Variants in CSRNP2 observed in about 807,000 individuals in gnomAD.
The protein encoded by CSRNP2 is cysteine/serine-rich nuclear protein 2.
In CSRNP2, 11 loss-of-function variants were observed where a neutral mutation model predicts 36.6. That is an observed-to-expected ratio of 0.30 (90% CI 0.19 to 0.50). The LOEUF (loss-of-function observed/expected upper bound fraction) is 0.50. Ranked by LOEUF, CSRNP2 falls within the 20% of genes least tolerant of loss-of-function variation. The pLI is 0.98. For missense variants in CSRNP2, 483 were observed against 691.4 expected (o/e 0.70, Z 3.38); for synonymous variants, 248 against 275.3 (o/e 0.90, Z 0.98).
At chr12:51,080,101 A>AGG (rs1555248855) in intron 1 of CSRNP2, among the ~76,000 whole-genome samples, 1 of 135,228 alleles carries the variant, frequency 7.4e-6, no homozygotes, top group African/African-American at 2.7e-5. Flanking sequence ...AAAAAAAAAG[A>AGG]GGGAGGGAGG....
chr12:51,069,507 G>A (rs1429182278), intron 3 of CSRNP2, among the ~76,000 whole-genome samples: 4 of 149,212 alleles, frequency 2.7e-5, no homozygotes, highest in Non-Finnish European at 5.9e-5. Context: ...GGCTGGTCTC[G>A]AACTCCCGAC....
At position 51,074,050 on chromosome 12, in the gene CSRNP2, G is replaced by A. The variant is rs372606177; in HGVS notation, c.184C>T (p.Arg62Trp). The change falls in exon 3 of 5, where the codon CGG becomes TGG. Residue 62 changes from arginine (R) to tryptophan (W), a missense_variant. Coordinates refer to ENST00000228515, the MANE Select transcript of CSRNP2 (RefSeq NM_030809.3). ...TGGTCAAAGCGTACATTCTTCCTCCGCAGCTGCTTCTGCCGCTTCAGGATG... is the reference window on the plus strand; with the variant it reads ...TGGTCAAAGCGTACATTCTTCCTCCACAGCTGCTTCTGCCGCTTCAGGATG... ...TSILKRQKQLRRKNVRFDQVT... is the reference protein window; with the variant it reads ...TSILKRQKQLWRKNVRFDQVT... 9.3e-6 allele frequency: 15 copies of A among 1,614,040 alleles called. No individual in the cohort carries two copies. Among genetic ancestry groups the A allele is most frequent in the Middle Eastern group, 1.6e-4 (1 of 6,084 alleles).
At chr12:51,069,242 T>C (rs377702264) in intron 3 of CSRNP2, among the ~76,000 whole-genome samples, 344 of 151,796 alleles carry the variant, frequency 2.3e-3, no homozygotes, top group African/African-American at 7.8e-3. Flanking sequence ...CCCAAAGTGA[T>C]GGGATTACAG....
rs10082750 is a variant in CSRNP2 at position 51,067,448 on chromosome 12, C to A, written c.708+225G>T. ...CCTTGACCTCCTGGACTCAAGAGAT[C>A]CTCCTACCTCAGCCTCCCACATAGC... On this transcript the variant is annotated intron_variant, in intron 4 of 4. Coordinates refer to ENST00000228515, the MANE Select transcript of CSRNP2 (RefSeq NM_030809.3). The surrounding 1 kb of genome is among the most constrained non-coding windows in gnomAD (Gnocchi z 4.1). Among the ~76,000 whole-genome samples, 5,871 of 152,194 alleles carry A rather than the reference C, an allele frequency of 0.039. 386 individuals carry two copies. Among genetic ancestry groups the A allele is most frequent in the African/African-American group, 0.13 (5,526 of 41,494 alleles).
chr12:51,082,628 C>G (rs1939687054), intron 1 of CSRNP2: 1 of 152,162 alleles, frequency 6.6e-6, no homozygotes, highest in Non-Finnish European at 1.5e-5. Context: ...CTCTCAACCC[C>G]TTTAAAAGGA....
At chr12:51,072,019 G>A (rs1191760590) in intron 3 of CSRNP2, among the ~76,000 whole-genome samples, 3 of 152,182 alleles carry the variant, frequency 2.0e-5, no homozygotes, top group African/African-American at 7.2e-5. Context: ...AGAAAGGAAT[G>A]AGATGCTCTG....
At chr12:51,069,854 C>G (rs970480515) in intron 3 of CSRNP2, among the ~76,000 whole-genome samples, 22 of 151,524 alleles carry the variant, frequency 1.5e-4, no homozygotes. Context: ...CACCACGCCT[C>G]GCTAATTTTT....
chr12:51,070,027 G>A (rs1462897063), intron 3 of CSRNP2, among the ~76,000 whole-genome samples: 2 of 151,924 alleles, frequency 1.3e-5, no homozygotes, highest in Non-Finnish European at 2.9e-5. Context: ...TGGATAGAGA[G>A]CCAAGAAAGG....
In CSRNP2 at chr12:51,073,830, T is replaced by A; in HGVS notation, c.404A>T (p.Lys135Ile). 6.2e-7 allele frequency: 1 copy of A among 1,613,702 alleles called. No individual in the cohort carries two copies. Among genetic ancestry groups the A allele is most frequent in the Non-Finnish European group, 8.5e-7 (1 of 1,179,884 alleles). ...CCCAGAACACTTAGGCACCTTCATT[T>A]TCTTGGCATGGAGTTTCTCTTCCTT... Reference protein sequence around the residue: ...HLKEEKLHAKKMKLTKNGTVE... With the variant: ...HLKEEKLHAKIMKLTKNGTVE... Residue 135 changes from lysine to isoleucine, a missense_variant, in exon 3 of 5, where the codon AAA becomes ATA. Around this residue, in one of 2 missense-constraint regions of CSRNP2, gnomAD observed 206 missense variants for 367.8 expected, o/e 0.56. Transcript: ENST00000228515.
chr12:51,078,920 C>A (rs1939504527), intron 1 of CSRNP2, among the ~76,000 whole-genome samples: 1 of 152,206 alleles, frequency 6.6e-6, no homozygotes, highest in Non-Finnish European at 1.5e-5. Context: ...GACACATGCA[C>A]ACGTTATGTT....
intron 1 of CSRNP2, among the ~76,000 whole-genome samples, chr12:51,080,101 A>AAAAAAG (rs1939574124): frequency 1.5e-5 from 2 of 135,310 alleles, no homozygotes; most frequent in African/African-American, 2.7e-5. Context: ...AAAAAAAAAG[A>AAAAAAG]GGGAGGGAGG....
chr12:51,078,224 T>C (rs1022493040), intron 1 of CSRNP2, among the ~76,000 whole-genome samples: 8 of 152,190 alleles, frequency 5.3e-5, no homozygotes, highest in Non-Finnish European at 1.2e-4. Flanking sequence ...ATTTGCCTGC[T>C]CTTGGATCAG....
intron 1 of CSRNP2, 82 bp downstream of exon 1, chr12:51,083,256 AC>A (rs1939712747): frequency 6.6e-6 from 1 of 151,910 alleles, no homozygotes; most frequent in Non-Finnish European, 1.5e-5. Context: ...TCTGGGCTTG[AC>A]CACTCCTCCA....
At chr12:51,071,906 C>A (rs1939176064) in intron 3 of CSRNP2, among the ~76,000 whole-genome samples, 1 of 152,102 alleles carries the variant, frequency 6.6e-6, no homozygotes, top group Non-Finnish European at 1.5e-5. Flanking sequence ...TGGAATTCCT[C>A]AGACAGAGGA....
chr12:51,071,450 A>G (rs1939152394), intron 3 of CSRNP2, among the ~76,000 whole-genome samples: 1 of 151,784 alleles, frequency 6.6e-6, no homozygotes, highest in Non-Finnish European at 1.5e-5. Flanking sequence ...TAGGTAAGGT[A>G]AAGCAAGGGA....
At chr12:51,080,482 G>C (rs1025593537) in intron 1 of CSRNP2, among the ~76,000 whole-genome samples, 2 of 152,138 alleles carry the variant, frequency 1.3e-5, no homozygotes, top group Non-Finnish European at 2.9e-5. Context: ...TCTACTTCTG[G>C]AATAGTGGTT....
chr12:51,070,850 A>G (rs528600079), intron 3 of CSRNP2, among the ~76,000 whole-genome samples: 33 of 152,270 alleles, frequency 2.2e-4, no homozygotes, highest in Admixed American at 4.6e-4. Flanking sequence ...GAGCTAAAAA[A>G]CAGGCCTGGT....
chr12:51,061,286 GA>G lies in CSRNP2; in HGVS notation c.*2459del, dbSNP rs1948820886. The G allele has an allele frequency of 6.6e-6, 1 of 152,498 alleles. No individual in the cohort carries two copies. The highest frequency in any genetic ancestry group is 2.1e-4 in the South Asian group (1 of 4,828). The allele number at this position is 152,498 out of a possible 1,614,324, so 9.4% of individuals were successfully genotyped here. ...ATCACAATGTAAAGAACCTAAAGGGGAAAAAATTATTTTCAGAGAACCAGAC... is the reference window on the plus strand; with the variant it reads ...ATCACAATGTAAAGAACCTAAAGGGGAAAAATTATTTTCAGAGAACCAGAC... On this transcript the variant is annotated 3_prime_UTR_variant, in exon 5 of 5. Coordinates refer to ENST00000228515, the MANE Select transcript of CSRNP2 (RefSeq NM_030809.3).
intron 1 of CSRNP2, among the ~76,000 whole-genome samples, chr12:51,078,986 A>G (rs1319520299): frequency 6.6e-6 from 1 of 152,344 alleles, no homozygotes; most frequent in Middle Eastern, 3.4e-3. Flanking sequence ...ATGTCCATCA[A>G]TGATAGACTG....
Sources: gnomAD v4.1 joint callset for allele counts (sites outside exome capture counted in the v4.1 genomes callset) on GRCh38, gnomAD v4.1.1 for gene constraint, gnomAD v4.1.1 regional missense constraint, Gnocchi (gnomAD v3.1) non-coding constraint, MANE v1.5 for transcripts, NCBI Gene and HGNC (gene_info 2026-07-23, HGNC 2026-07-21) for gene names.